ZNF608: variants seen among roughly 807,000 people sequenced by gnomAD.
ZNF608 encodes the protein renal carcinoma antigen NY-REN-36.
Under a neutral mutation model 109.0 loss-of-function variants are expected in ZNF608, and 12 were observed. The ratio of observed to expected loss-of-function variants is 0.11; its 90% confidence interval spans 0.07 to 0.18. ZNF608 has a LOEUF of 0.18. Among genes scored for constraint, ZNF608 ranks in the 10% least tolerant of loss-of-function variants. The pLI is 1.00. For synonymous variants in ZNF608, 732 were observed against 717.4 expected (o/e 1.02, Z -0.33); for missense variants, 1,707 against 1,879.3 (o/e 0.91, Z 1.70).
chr5:124,694,954 A>G (rs1447287938), intron 3 of ZNF608, among the ~76,000 whole-genome samples: 6 of 152,196 alleles, frequency 3.9e-5, no homozygotes, highest in Non-Finnish European at 8.8e-5. Flanking sequence ...GGCACTAACT[A>G]GTAGTTCTTC....
chr5:124,653,377 G>A (rs1475675493), intron 3 of ZNF608, among the ~76,000 whole-genome samples: 1 of 152,204 alleles, frequency 6.6e-6, no homozygotes, highest in Admixed American at 6.5e-5. Flanking sequence ...GGGTTTCCAG[G>A]AAGATGTCAA....
chr5:124,699,669 A>G (rs931623869), intron 3 of ZNF608, among the ~76,000 whole-genome samples: 4 of 152,222 alleles, frequency 2.6e-5, no homozygotes, highest in African/African-American at 4.8e-5. Context: ...TTAATGTAAT[A>G]TGTAGAATTC....
intron 2 of ZNF608, among the ~76,000 whole-genome samples, chr5:124,720,681 A>G (rs1390041284): frequency 6.6e-6 from 1 of 152,194 alleles, no homozygotes. Flanking sequence ...GCTATGAATG[A>G]CCTATGATTA....
chr5:124,721,422 C>A (rs188982383), intron 2 of ZNF608, among the ~76,000 whole-genome samples: 222 of 152,286 alleles, frequency 1.5e-3, no homozygotes, highest in Admixed American at 3.0e-3. Flanking sequence ...AATAAGATGG[C>A]ATCCATGCCC....
At position 124,647,054 on chromosome 5, in the gene ZNF608, C is replaced by G; in HGVS notation, c.3330G>C (p.Glu1110Asp). The G allele has an allele frequency of 3.1e-6, 5 of 1,613,932 alleles. No individual in the cohort carries two copies. The highest frequency in any genetic ancestry group is 4.2e-6 in the Non-Finnish European group (5 of 1,179,900). The change falls in exon 5 of 10, where the codon GAG (glutamate) becomes GAC (aspartate). Residue 1110 changes from glutamate to aspartate, a missense_variant. Transcript: ENST00000513986. ...TTTTCTGCTCTGCCAGCCTCTGGTC[C>G]TCATAGTACTTCTCATACTGCTGTC... ...AYRQQYEKYY[E>D]DQRLAEQKMA...
chr5:124,641,382 C>T lies in ZNF608; in HGVS notation c.4320G>A (p.Glu1440=), dbSNP rs1294656469. 2 of 1,613,886 alleles carry T rather than the reference C, an allele frequency of 1.2e-6. No homozygotes were observed. Among genetic ancestry groups the T allele is most frequent in the East Asian group, 4.5e-5 (2 of 44,866 alleles). ...TTTCCCTTTCTGCCTCCCGTTCCCG[C>T]TCAGCTGTAGCCTTTTCCACAGGCT... ...SPAPVEKATA[E]REREAERERD... The change falls in exon 8 of 10, where the codon GAG becomes GAA. Residue 1440 remains glutamate, a synonymous_variant. Transcript: ENST00000513986.
At chr5:124,638,314 T>C (rs540182172) in intron 9 of ZNF608, among the ~76,000 whole-genome samples, 5 of 151,640 alleles carry the variant, frequency 3.3e-5, no homozygotes, top group African/African-American at 1.2e-4. Context: ...TGGAATGCAA[T>C]GGTGCAATCT....
chr5:124,716,701 A>G (rs1753717806), intron 2 of ZNF608, among the ~76,000 whole-genome samples: 1 of 152,204 alleles, frequency 6.6e-6, no homozygotes, highest in Non-Finnish European at 1.5e-5. Context: ...TGCATTCTAG[A>G]GCTCTAATAA....
intron 2 of ZNF608, chr5:124,710,405 T>C (rs1180949954): frequency 1.1e-5 from 4 of 365,704 alleles, no homozygotes; most frequent in Non-Finnish European, 2.1e-5. Flanking sequence ...TCATAACAAA[T>C]TAAATGACAA....
chr5:124,655,765 G>C (rs930463857), intron 3 of ZNF608, among the ~76,000 whole-genome samples: 1 of 152,088 alleles, frequency 6.6e-6, no homozygotes, highest in Admixed American at 6.5e-5. Flanking sequence ...TTATGTTGTC[G>C]TCACTCTGTG....
chr5:124,691,043 C>T (rs541203019), intron 3 of ZNF608, among the ~76,000 whole-genome samples: 5 of 152,056 alleles, frequency 3.3e-5, no homozygotes, highest in African/African-American at 1.2e-4. Flanking sequence ...ATCCCAGGAA[C>T]TCAAGAGGCC....
At chr5:124,690,979 T>C (rs1752601989) in intron 3 of ZNF608, among the ~76,000 whole-genome samples, 1 of 149,822 alleles carries the variant, frequency 6.7e-6, no homozygotes, top group East Asian at 1.9e-4. Context: ...TGCAAAATTT[T>C]TTACACAACT....
intron 1 of ZNF608, chr5:124,745,937 A>G (rs935956713): frequency 1.2e-5 from 2 of 165,866 alleles, no homozygotes; most frequent in East Asian, 3.8e-4. Context: ...CATTTAAACA[A>G]TTCTACCATA....
At chr5:124,747,931 C>G (rs1443504743), upstream of ZNF608, among the ~76,000 whole-genome samples, 2 of 152,142 alleles carry the variant, frequency 1.3e-5, no homozygotes. Context: ...TGCTCCCCAG[C>G]CTGGTCCTGT....
intron 9 of ZNF608, chr5:124,638,844 A>C: frequency 8.7e-7 from 1 of 1,144,836 alleles, no homozygotes; most frequent in Non-Finnish European, 1.1e-6. Flanking sequence ...AATAAAACAA[A>C]GGGAGTCATG....
chr5:124,702,979 G>GA (rs568143800), intron 2 of ZNF608, among the ~76,000 whole-genome samples: 3 of 151,090 alleles, frequency 2.0e-5, no homozygotes, highest in Admixed American at 1.3e-4. Context: ...TTTAAGGGGG[G>GA]AAAAAAAACA....
intron 3 of ZNF608, among the ~76,000 whole-genome samples, chr5:124,652,152 C>G (rs1750816960): frequency 6.6e-6 from 1 of 152,200 alleles, no homozygotes; most frequent in South Asian, 2.1e-4. Context: ...CAGGTTGAAG[C>G]TGTCACAAAG....
chr5:124,652,666 C>T (rs1035324555), intron 3 of ZNF608, among the ~76,000 whole-genome samples: 1 of 152,110 alleles, frequency 6.6e-6, no homozygotes, highest in African/African-American at 2.4e-5. Context: ...TAGACAACAC[C>T]CCATTGTGAA....
intron 3 of ZNF608, among the ~76,000 whole-genome samples, chr5:124,694,142 A>ATTTTTTTTTTTTTTTTTTTTTT (rs11320730): frequency 6.3e-5 from 4 of 63,938 alleles, no homozygotes; most frequent in South Asian, 9.9e-4. Context: ...CGCTCGGCTA[A>ATTTTTTTTTTTTTTTTTTTTTT]TTTTTTTTTT....
Sources: allele counts gnomAD v4.1 joint callset (sites outside exome capture counted in the v4.1 genomes callset), GRCh38; gene constraint gnomAD v4.1.1; transcripts MANE v1.5; gene names NCBI Gene and HGNC (gene_info 2026-07-23, HGNC 2026-07-21).